Variants in TTC4 observed in about 807,000 individuals in gnomAD.
The protein encoded by TTC4 is hsp70/Hsp90 co-chaperone CNS1 homolog.
TTC4 carries 36 observed loss-of-function variants against 51.9 expected under a neutral mutation model. The ratio of observed to expected loss-of-function variants is 0.69; its 90% CI spans 0.53 to 0.92. The LOEUF (loss-of-function observed/expected upper bound fraction) is 0.92. TTC4 is among the 40% of genes least tolerant of loss of function. TTC4 has a pLI of 0.00. For synonymous variants in TTC4, 144 were observed against 164.2 expected, an observed-to-expected ratio of 0.88 and a Z score of 0.94; for missense variants, 399 against 454.6, an observed-to-expected ratio of 0.88 and a Z score of 1.11.
At chr1:54,727,415 T>G (rs1645813474) in intron 5 of TTC4, among the ~76,000 whole-genome samples, 1 of 152,194 alleles carries the variant, frequency 6.6e-6, no homozygotes, top group African/African-American at 2.4e-5. Flanking sequence ...AAAGAAAACA[T>G]AGATATGAAT....
chr1:54,730,562 GA>G (rs1645853133), intron 6 of TTC4, among the ~76,000 whole-genome samples: 1 of 152,104 alleles, frequency 6.6e-6, no homozygotes, highest in Admixed American at 6.5e-5. Flanking sequence ...AATGCTTTAA[GA>G]AAAAGTTTGC....
At chr1:54,716,778 T>G in intron 2 of TTC4, 61 bp downstream of exon 2, 1 of 1,360,288 alleles carries the variant, frequency 7.4e-7, no homozygotes, top group Non-Finnish European at 1.0e-6. Flanking sequence ...AAGTGTGGGT[T>G]AGAAGCGTTC....
chr1:54,729,927 G>T (rs1645844883), intron 6 of TTC4, among the ~76,000 whole-genome samples: 1 of 152,138 alleles, frequency 6.6e-6, no homozygotes, highest in African/African-American at 2.4e-5. Context: ...CACCATATTG[G>T]TCAGGCTGGT....
intron 3 of TTC4, 126 bp downstream of exon 3, chr1:54,717,779 C>A: frequency 1.2e-6 from 1 of 844,652 alleles, no homozygotes; most frequent in South Asian, 3.7e-5. Context: ...GGATAGTTTA[C>A]TCTGATTGAA....
Position 54,733,706 on chromosome 1 carries a change from T to C in TTC4, c.974T>C (p.Leu325Ser), listed in dbSNP as rs746291432. 5 of 1,592,172 alleles carry C rather than the reference T, an allele frequency of 3.1e-6. No homozygotes were observed. The South Asian group carries it at 3.4e-5, about 11-fold the overall frequency. ...DLEQKYCPDN[L>S]EVYFEDEDRA... The stretch of plus-strand genomic sequence containing the variant: ...GAGCAAAAATATTGCCCTGATAATT[T>C]GGAGGTAAGAGAAGTTTTATTTCGT... Residue 325 changes from leucine to serine, a missense_variant, in exon 8 of 10, where the codon TTG becomes TCG. Leu to Ser is a moderately radical substitution (Grantham distance 145). Around this residue, in one of 3 missense-constraint regions of TTC4, gnomAD observed 19 missense variants for 43.7 expected, o/e 0.43. Transcript: ENST00000371281.
rs555048568 is a variant in TTC4, at chr1:54,722,746, G to A, written c.541G>A (p.Asp181Asn). 1.2e-6 allele frequency: 2 copies of A among 1,614,018 alleles called. No homozygotes were observed. Among genetic ancestry groups the A allele is most frequent in the East Asian group, 4.5e-5 (2 of 44,866 alleles). ...CTGGTGTGATGAGGGACTGCAAATA[G>A]ATGCCAAAGAGAAGAAGCTTCTGGA... ...VNWCDEGLQI[D>N]AKEKKLLEMR... The change falls in exon 5 of 10, where the codon GAT becomes AAT. Residue 181 changes from aspartate to asparagine, a missense_variant. Physicochemically the swap from Asp to Asn is conservative, Grantham distance 23 (BLOSUM62 1). Transcript: ENST00000371281.
intron 8 of TTC4, chr1:54,737,102 C>T (rs754894041): frequency 6.5e-6 from 1 of 154,986 alleles, no homozygotes; most frequent in Non-Finnish European, 1.4e-5. Context: ...TGCTCTTCTT[C>T]ACTGGTCCTG....
At chr1:54,719,686 G>T (rs1269265625) in intron 3 of TTC4, among the ~76,000 whole-genome samples, 11 of 152,098 alleles carry the variant, frequency 7.2e-5, no homozygotes, top group Non-Finnish European at 1.5e-5. Context: ...ATATGGACAT[G>T]CCACTATTTA....
chr1:54,730,221 G>T (rs1184489493), intron 6 of TTC4, among the ~76,000 whole-genome samples: 2 of 149,594 alleles, frequency 1.3e-5, no homozygotes, highest in Non-Finnish European at 3.0e-5. Flanking sequence ...TGAGGGATTT[G>T]TTCGTTTTCT....
At chr1:54,724,278 TTTC>T (rs934128395) in intron 5 of TTC4, among the ~76,000 whole-genome samples, 8 of 151,928 alleles carry the variant, frequency 5.3e-5, no homozygotes, top group African/African-American at 1.5e-4. Flanking sequence ...CTTTTTTTTT[TTTC>T]ATGAGACAGA....
rs905039688 is a variant in TTC4 at position 54,742,611 on chromosome 1, G to A, written c.*1098G>A. 1 of 152,248 alleles carries A rather than the reference G, an allele frequency of 6.6e-6. No homozygotes were observed. 9.4% of individuals were successfully genotyped at this position (152,248 alleles called of 1,614,324 possible). On this transcript the variant is annotated 3_prime_UTR_variant, in exon 10 of 10. Transcript: ENST00000371281. ...GATTTAGGGGTTGGTTGTTACTATA[G>A]CAGAGCTAATACATGAGTAAACTGA...
chr1:54,730,446 A>C (rs1432048350), intron 6 of TTC4, among the ~76,000 whole-genome samples: 1 of 152,156 alleles, frequency 6.6e-6, no homozygotes, highest in African/African-American at 2.4e-5. Context: ...AGCCCTGCCT[A>C]TTTGTTTATG....
intron 4 of TTC4, among the ~76,000 whole-genome samples, 168 bp downstream of exon 4, chr1:54,721,408 T>C (rs1022222161): frequency 6.6e-6 from 1 of 152,218 alleles, no homozygotes; most frequent in African/African-American, 2.4e-5. Flanking sequence ...TAACCCTTTA[T>C]GTAATAATAA....
chr1:54,741,358 T>C, intron 9 of TTC4, 53 bp from the exon 10 acceptor site: 2 of 1,455,342 alleles, frequency 1.4e-6, no homozygotes, highest in East Asian at 2.3e-5. Flanking sequence ...GGTGCATGGA[T>C]GGTTAAGATT....
intron 5 of TTC4, among the ~76,000 whole-genome samples, chr1:54,724,640 G>A (rs1645779257): frequency 6.6e-6 from 1 of 152,058 alleles, no homozygotes; most frequent in African/African-American, 2.4e-5. Context: ...TAAATGTGTA[G>A]GCACCTACTA....
chr1:54,720,077 T>C (rs1021101674), intron 3 of TTC4, among the ~76,000 whole-genome samples: 11 of 152,038 alleles, frequency 7.2e-5, no homozygotes, highest in African/African-American at 2.2e-4. Context: ...TTTTAAAAAA[T>C]TTTTTGTAGA....
Position 54,732,915 on chromosome 1 carries a change from G to T in TTC4, c.897-714G>T, listed in dbSNP as rs200697255. On this transcript the variant is annotated intron_variant, in intron 7 of 9. Coordinates refer to ENST00000371281, the MANE Select transcript of TTC4 (RefSeq NM_004623.5). ...AGCCTGGCAAACATGGCAAAATCCC[G>T]TGCCTAATAAAAATATAAAAAATTA... 1.4e-3 allele frequency among the ~76,000 whole-genome samples: 206 copies of T among 151,090 alleles called. No individual in the cohort carries two copies. The Middle Eastern group carries it at 0.017, about 13-fold the overall frequency.
At chr1:54,724,092 G>T (rs1340971407) in intron 5 of TTC4, among the ~76,000 whole-genome samples, 1 of 152,148 alleles carries the variant, frequency 6.6e-6, no homozygotes, top group Admixed American at 6.5e-5. Flanking sequence ...CCTGATATTA[G>T]GTCTAGGTGA....
intron 5 of TTC4, 119 bp from the exon 6 acceptor site, chr1:54,728,226 AT>A: frequency 1.3e-6 from 1 of 798,128 alleles, no homozygotes; most frequent in South Asian, 1.9e-5. Context: ...GGCCACTGGT[AT>A]TCCTTAACAC....
Sources: allele counts gnomAD v4.1 joint callset (sites outside exome capture counted in the v4.1 genomes callset), GRCh38; gene constraint gnomAD v4.1.1; regional missense constraint gnomAD v4.1.1; transcripts MANE v1.5; gene names NCBI Gene and HGNC (gene_info 2026-07-23, HGNC 2026-07-21).